Variants in NCKAP5 observed in about 807,000 individuals in gnomAD.
NCKAP5 encodes NCK associated protein 5, also known as nck-associated protein 5.
Under a neutral mutation model 167.0 loss-of-function variants are expected in NCKAP5, and 92 were observed. The ratio of observed to expected loss-of-function variants is 0.55; its 90% CI spans 0.47 to 0.66. NCKAP5 has a LOEUF of 0.66. Ranked by LOEUF, NCKAP5 falls within the 30% of genes least tolerant of loss-of-function variation. The pLI, the probability that NCKAP5 is intolerant of heterozygous loss-of-function variation, is 0.00. For synonymous variants in NCKAP5, 891 were observed against 877.4 expected (o/e 1.02, Z -0.27); for missense variants, 2,378 against 2,315.0 (o/e 1.03, Z -0.56).
intron 7 of NCKAP5, among the ~76,000 whole-genome samples, chr2:132,985,731 C>T (rs766379655): frequency 2.0e-5 from 3 of 152,134 alleles, no homozygotes; most frequent in Non-Finnish European, 4.4e-5. Flanking sequence ...AATCTTAACA[C>T]ACAATAAAAA....
chr2:133,107,833 T>C (rs1454372039), intron 6 of NCKAP5, among the ~76,000 whole-genome samples: 1 of 152,234 alleles, frequency 6.6e-6, no homozygotes. Context: ...CATGAAGGCA[T>C]ATTCCTCTAA....
intron 5 of NCKAP5, among the ~76,000 whole-genome samples, chr2:133,193,455 T>C (rs2085313961): frequency 6.6e-6 from 1 of 152,152 alleles, no homozygotes; most frequent in African/African-American, 2.4e-5. Context: ...CATGTGAATG[T>C]ACAGTAGTTA....
At chr2:133,169,520 T>C (rs1381113204) in intron 5 of NCKAP5, among the ~76,000 whole-genome samples, 1 of 152,196 alleles carries the variant, frequency 6.6e-6, no homozygotes, top group East Asian at 1.9e-4. Flanking sequence ...TATCCAGAGC[T>C]TCCCTTTTTG....
intron 5 of NCKAP5, among the ~76,000 whole-genome samples, chr2:133,155,091 C>T (rs2083524572): frequency 6.6e-6 from 1 of 152,316 alleles, no homozygotes; most frequent in East Asian, 1.9e-4. Flanking sequence ...CTTCCACTTG[C>T]TTTTCCTGAC....
At chr2:133,111,951 A>G (rs6713109) in intron 6 of NCKAP5, among the ~76,000 whole-genome samples, 9,105 of 152,246 alleles carry the variant, frequency 0.06, 585 homozygotes, top group African/African-American at 0.16. Flanking sequence ...GCCACTGCCA[A>G]TAGATACTAA....
intron 8 of NCKAP5, among the ~76,000 whole-genome samples, chr2:132,927,807 A>G (rs1574659721): frequency 6.6e-6 from 1 of 152,142 alleles, no homozygotes. Context: ...AGATCATATC[A>G]TCAGTGAACA....
intron 3 of NCKAP5, among the ~76,000 whole-genome samples, chr2:133,462,441 T>G (rs1692260208): frequency 6.6e-6 from 1 of 152,214 alleles, no homozygotes; most frequent in Admixed American, 6.5e-5. Context: ...TTTAAAACTG[T>G]GTATGTTTGT....
intron 6 of NCKAP5, among the ~76,000 whole-genome samples, chr2:133,096,346 A>C (rs901880562): frequency 1.3e-5 from 2 of 151,850 alleles, no homozygotes; most frequent in African/African-American, 4.8e-5. Flanking sequence ...CAAGAATTAG[A>C]CAGATGTGGT....
At chr2:133,661,326 A>T in the NCKAP5 span, among the ~76,000 whole-genome samples, 2 of 152,222 alleles carry the variant, frequency 1.3e-5, no homozygotes, top group African/African-American at 4.8e-5. Context: ...CCCAGAAATC[A>T]CAAAGCACCA....
intron 4 of NCKAP5, among the ~76,000 whole-genome samples, chr2:133,275,095 T>G (rs1398298724): frequency 1.4e-5 from 2 of 148,014 alleles, no homozygotes; most frequent in African/African-American, 2.5e-5. Context: ...AAAAAAAAAG[T>G]GGGGGGAAGC....
chr2:133,486,746 T>G (rs927332938), intron 3 of NCKAP5, among the ~76,000 whole-genome samples: 5 of 152,200 alleles, frequency 3.3e-5, no homozygotes, highest in Admixed American at 3.3e-4. Context: ...GATTTTGATG[T>G]AACTAAATAG....
chr2:133,183,289 A>G (rs1296480630), intron 5 of NCKAP5, among the ~76,000 whole-genome samples: 1 of 152,170 alleles, frequency 6.6e-6, no homozygotes, highest in Non-Finnish European at 1.5e-5. Context: ...CCTGATACTA[A>G]AACGAGATAA....
intron 19 of NCKAP5, among the ~76,000 whole-genome samples, chr2:132,697,240 C>G (rs986951397): frequency 6.6e-6 from 1 of 152,212 alleles, no homozygotes; most frequent in Non-Finnish European, 1.5e-5. Context: ...CTTGGAGGAG[C>G]TGGTCCTCAG....
At chr2:133,255,273 A>G (rs894247690) in intron 4 of NCKAP5, among the ~76,000 whole-genome samples, 2 of 152,208 alleles carry the variant, frequency 1.3e-5, no homozygotes, top group Non-Finnish European at 2.9e-5. Context: ...TCCAGGATAA[A>G]TGTTCTTATA....
intron 3 of NCKAP5, among the ~76,000 whole-genome samples, chr2:133,355,895 T>C (rs1175001179): frequency 6.6e-6 from 1 of 152,082 alleles, no homozygotes; most frequent in African/African-American, 2.4e-5. Context: ...AAAACTATCA[T>C]TTTGCTGTTC....
chr2:132,862,765 C>CAA (rs745328010), intron 10 of NCKAP5, among the ~76,000 whole-genome samples: 13 of 81,184 alleles, frequency 1.6e-4, no homozygotes, highest in African/African-American at 5.9e-4. Flanking sequence ...AACCCAGTCT[C>CAA]AAAAAAAAAA....
At chr2:133,206,588 G>C (rs2085962997) in intron 5 of NCKAP5, among the ~76,000 whole-genome samples, 1 of 152,146 alleles carries the variant, frequency 6.6e-6, no homozygotes, top group Admixed American at 6.5e-5. Flanking sequence ...GAACATGTGT[G>C]TTTGAACAAT....
intron 8 of NCKAP5, among the ~76,000 whole-genome samples, chr2:132,923,638 T>TA (rs538739952): frequency 5.9e-5 from 9 of 151,686 alleles, no homozygotes; most frequent in East Asian, 3.9e-4. Context: ...GAAACTAAAC[T>TA]AAAAAAAATG....
intron 2 of NCKAP5, among the ~76,000 whole-genome samples, chr2:133,535,871 T>A (rs1685723925): frequency 6.6e-6 from 1 of 152,204 alleles, no homozygotes; most frequent in African/African-American, 2.4e-5. Flanking sequence ...TGGTTTGGAT[T>A]TACATTTCTC....
Sources: allele counts gnomAD v4.1 joint callset (sites outside exome capture counted in the v4.1 genomes callset), GRCh38; gene constraint gnomAD v4.1.1; transcripts MANE v1.5; gene names NCBI Gene and HGNC (gene_info 2026-07-23, HGNC 2026-07-21).